Variants in KATNAL2 observed in about 807,000 individuals in gnomAD.
KATNAL2 encodes katanin catalytic subunit A1 like 2.
A neutral mutation model predicts 76.3 loss-of-function variants in KATNAL2; 52 were observed. The observed-to-expected ratio is 0.68, with a 90% CI of 0.55 to 0.86. The LOEUF is 0.86. KATNAL2 is among the 40% of genes least tolerant of loss of function. The pLI is 0.00. For missense variants in KATNAL2, 660 were observed against 668.9 expected (o/e 0.99, Z 0.15); for synonymous variants, 243 against 244.2 (o/e 1.00, Z 0.05).
intron 15 of KATNAL2, among the ~76,000 whole-genome samples, chr18:47,097,716 G>T (rs912751580): frequency 6.6e-6 from 1 of 152,202 alleles, no homozygotes; most frequent in African/African-American, 2.4e-5. Context: ...TTTTGGGGAT[G>T]GTTGGAGTAT....
intron 3 of KATNAL2, among the ~76,000 whole-genome samples, chr18:47,035,811 AAC>A (rs2060749317): frequency 1.3e-5 from 2 of 152,184 alleles, no homozygotes; most frequent in African/African-American, 4.8e-5. Context: ...AATTCCAAAA[AAC>A]ACAGACTGAA....
chr18:47,040,121 A>T (rs1294416121), intron 3 of KATNAL2, among the ~76,000 whole-genome samples: 1 of 152,258 alleles, frequency 6.6e-6, no homozygotes, highest in Non-Finnish European at 1.5e-5. Context: ...CTTATAAGAC[A>T]TACTACTCCT....
rs770137252 is a variant in KATNAL2, at chr18:47,099,269, G to A, written c.1238G>A (p.Arg413His). Residue 413 changes from arginine to histidine, a missense_variant, in exon 16 of 18, where the codon CGC becomes CAC. Coordinates refer to ENST00000683218, the MANE Select transcript of KATNAL2 (RefSeq NM_001387690.1). ...GAGCTGGACTGTGCCATGTTACGCC[G>A]CCTGGAGAAGAGGATTCTGGTCGAT... ...PWELDCAMLR[R>H]LEKRILVDLP... The A allele has an allele frequency of 1.1e-5, 17 of 1,613,774 alleles. No individual in the cohort carries two copies. Among genetic ancestry groups the A allele is most frequent in the African/African-American group, 4.0e-5 (3 of 74,928 alleles).
intron 3 of KATNAL2, among the ~76,000 whole-genome samples, chr18:46,961,626 A>G (rs1041270366): frequency 6.6e-6 from 1 of 152,218 alleles, no homozygotes; most frequent in African/African-American, 2.4e-5. Context: ...ACCTCTGCCA[A>G]ACCTATACAG....
chr18:46,953,833 C>T (rs937919425), intron 3 of KATNAL2, among the ~76,000 whole-genome samples: 4 of 152,086 alleles, frequency 2.6e-5, no homozygotes, highest in Non-Finnish European at 5.9e-5. Flanking sequence ...GCTTGTCTCA[C>T]AAAGACAGTT....
chr18:47,081,420 A>G (rs2062515103), intron 15 of KATNAL2, among the ~76,000 whole-genome samples: 1 of 152,260 alleles, frequency 6.6e-6, no homozygotes, highest in African/African-American at 2.4e-5. Context: ...CATTATTTTA[A>G]TATCAGTATA....
At chr18:47,088,415 T>A (rs1460332348) in intron 15 of KATNAL2, among the ~76,000 whole-genome samples, 1 of 152,186 alleles carries the variant, frequency 6.6e-6, no homozygotes, top group Non-Finnish European at 1.5e-5. Flanking sequence ...AATGGGCTAC[T>A]CCATCTTGGC....
intron 3 of KATNAL2, chr18:47,032,662 C>G: frequency 2.8e-6 from 1 of 360,774 alleles, no homozygotes; most frequent in East Asian, 6.1e-5. Flanking sequence ...TACTTGATTT[C>G]GAAAAAAAAA....
chr18:47,098,287 G>GAA, intron 15 of KATNAL2: 3 of 293,900 alleles, frequency 1.0e-5, no homozygotes, highest in South Asian at 5.5e-5. Flanking sequence ...AGACTGGGAA[G>GAA]AAAAAAAAAT....
chr18:47,053,844 G>T (rs2061401134), intron 5 of KATNAL2, among the ~76,000 whole-genome samples: 1 of 152,224 alleles, frequency 6.6e-6, no homozygotes, highest in South Asian at 2.1e-4. Flanking sequence ...CAGGTGGTTA[G>T]ATGTGGGCCT....
intron 6 of KATNAL2, among the ~76,000 whole-genome samples, chr18:47,055,338 T>C (rs556819622): frequency 1.3e-5 from 2 of 152,314 alleles, no homozygotes; most frequent in African/African-American, 2.4e-5. Flanking sequence ...TAAAATGCTC[T>C]TGGAAAAAGA....
chr18:47,043,245 A>AAAAAAAAAAAAGAAAAAAT (rs376877321), intron 3 of KATNAL2, among the ~76,000 whole-genome samples: 1 of 93,192 alleles, frequency 1.1e-5, no homozygotes, highest in East Asian at 3.8e-4. Flanking sequence ...AAAAAAAAAA[A>AAAAAAAAAAAAGAAAAAAT]GAGATCCTAA....
At chr18:47,098,150 G>T (rs1246198176) in intron 15 of KATNAL2, 4 of 297,158 alleles carry the variant, frequency 1.3e-5, no homozygotes, top group Non-Finnish European at 2.7e-5. Flanking sequence ...ATGTTCAATT[G>T]TTTTATTCTA....
intron 15 of KATNAL2, among the ~76,000 whole-genome samples, chr18:47,088,389 G>A (rs2062863873): frequency 6.6e-6 from 1 of 152,156 alleles, no homozygotes; most frequent in African/African-American, 2.4e-5. Context: ...AGTTGTAAGA[G>A]GGTGAACTAG....
Position 46,946,284 on chromosome 18 carries a change from T to A in KATNAL2, c.-282T>A. ...ACGTCTAATGAGAACAGGTCTGATGTGAAAGGAATTGGAGGAGAAGGGGAA... is the reference window on the plus strand; with the variant it reads ...ACGTCTAATGAGAACAGGTCTGATGAGAAAGGAATTGGAGGAGAAGGGGAA... On this transcript the variant is annotated 5_prime_UTR_variant, in exon 2 of 18. An upstream open reading frame in the 5' UTR loses its in-frame stop. Coordinates refer to ENST00000683218, the MANE Select transcript of KATNAL2 (RefSeq NM_001387690.1). 1 of 1,071,010 alleles carries A rather than the reference T, an allele frequency of 9.3e-7. No individual in the cohort carries two copies. Among genetic ancestry groups the A allele is most frequent in the Non-Finnish European group, 1.1e-6 (1 of 877,834 alleles). 66.3% of individuals were successfully genotyped at this position (1,071,010 alleles called of 1,614,324 possible).
chr18:46,938,474 G>C (rs2059154212), intron 1 of KATNAL2, among the ~76,000 whole-genome samples: 1 of 152,108 alleles, frequency 6.6e-6, no homozygotes, highest in Non-Finnish European at 1.5e-5. Context: ...GATCTGGAAG[G>C]TGAATATATC....
At position 46,925,425 on chromosome 18, in the gene KATNAL2, A is replaced by C. The variant is rs529893496; in HGVS notation, c.-510+7499A>C. Among the ~76,000 whole-genome samples, 732 of 152,306 alleles carry C rather than the reference A, an allele frequency of 4.8e-3. 8 individuals carry two copies. The highest frequency in any genetic ancestry group is 0.017 in the African/African-American group (708 of 41,558). ...GTTGAACCAGCCTTGCATCCCAGGG[A>C]TGAAGCCCACTTGATCATGGTGGAT... On this transcript the variant is annotated intron_variant, in intron 1 of 17. Transcript: ENST00000683218.
intron 15 of KATNAL2, among the ~76,000 whole-genome samples, chr18:47,077,925 T>C (rs1295514468): frequency 7.9e-5 from 12 of 152,176 alleles, no homozygotes; most frequent in Non-Finnish European, 1.2e-4. Flanking sequence ...TAATCTACTC[T>C]CAGAGTCTTA....
chr18:47,059,098 C>A (rs1008809329), intron 7 of KATNAL2, among the ~76,000 whole-genome samples: 1 of 152,194 alleles, frequency 6.6e-6, no homozygotes, highest in Non-Finnish European at 1.5e-5. Context: ...TTCTCTCCCC[C>A]TCAAGGAGGT....
Sources: allele counts gnomAD v4.1 joint callset (sites outside exome capture counted in the v4.1 genomes callset), GRCh38; gene constraint gnomAD v4.1.1; transcripts MANE v1.5; gene names NCBI Gene and HGNC (gene_info 2026-07-23, HGNC 2026-07-21).